The following DOCK5 variants were observed in gnomAD, a reference collection of about 807,000 sequenced individuals.
DOCK5 encodes the protein dedicator of cytokinesis 5.
DOCK5 carries 142 observed loss-of-function variants against 251.8 expected under a neutral mutation model. That is an observed-to-expected ratio of 0.56 (90% CI 0.49 to 0.65). The LOEUF is 0.65. Among genes scored for constraint, DOCK5 ranks in the 30% least tolerant of loss-of-function variants. The pLI, the probability that DOCK5 is intolerant of heterozygous loss-of-function variation, is 0.00. For missense variants in DOCK5, 2,111 were observed against 2,312.3 expected (o/e 0.91, Z 1.79); for synonymous variants, 842 against 835.5 (o/e 1.01, Z -0.13).
intron 30 of DOCK5, among the ~76,000 whole-genome samples, chr8:25,365,864 A>G (rs1453247287): frequency 6.6e-6 from 1 of 152,220 alleles, no homozygotes; most frequent in African/African-American, 2.4e-5. Context: ...GTTGAAAATC[A>G]TAAGTAGAGG....
rs116518572 is a variant in DOCK5 at position 25,234,777 on chromosome 8, G to T, written c.44-8897G>T. ...CCCGCACCTGGTGCTGTTTCTTAAA[G>T]GAGCTCTGTATTTAGCGGCCTGCAA... On this transcript the variant is annotated intron_variant, in intron 1 of 51. Transcript: ENST00000276440. Among the ~76,000 whole-genome samples, 518 of 152,282 alleles carry T rather than the reference G, an allele frequency of 3.4e-3. 1 individual carries two copies. Among genetic ancestry groups the T allele is most frequent in the African/African-American group, 0.012 (497 of 41,558 alleles).
chr8:25,302,252 G>T, intron 9 of DOCK5, 73 bp from the exon 10 acceptor site: 2 of 1,504,906 alleles, frequency 1.3e-6, no homozygotes, highest in Non-Finnish European at 1.8e-6. Flanking sequence ...GTTGTAGAGG[G>T]TAAAGAAAAA....
chr8:25,332,493 A>G, intron 19 of DOCK5, 110 bp from the exon 20 acceptor site: 2 of 1,214,836 alleles, frequency 1.6e-6, no homozygotes, highest in Non-Finnish European at 2.3e-6. Flanking sequence ...CTAGTTTTTT[A>G]AAAAATGCTA....
chr8:25,265,542 C>T (rs1013314492), intron 2 of DOCK5, among the ~76,000 whole-genome samples: 5 of 151,866 alleles, frequency 3.3e-5, no homozygotes, highest in African/African-American at 1.2e-4. Context: ...ATGTTACCAA[C>T]CATTCTCTGC....
At chr8:25,304,517 G>C in intron 11 of DOCK5, 190 bp downstream of exon 11, 1 of 514,424 alleles carries the variant, frequency 1.9e-6, no homozygotes. Flanking sequence ...CCATTGAAGA[G>C]GGTAAACTGA....
At chr8:25,285,429 G>C (rs1042272205) in intron 5 of DOCK5, among the ~76,000 whole-genome samples, 1 of 152,166 alleles carries the variant, frequency 6.6e-6, no homozygotes, top group Non-Finnish European at 1.5e-5. Context: ...ACAGGTGTGA[G>C]CCACTATGCC....
chr8:25,406,264 A>G (rs1056442810), intron 48 of DOCK5, among the ~76,000 whole-genome samples: 1 of 151,928 alleles, frequency 6.6e-6, no homozygotes, highest in Non-Finnish European at 1.5e-5. Flanking sequence ...GGCCCTGTTT[A>G]TTTTTTATAC....
chr8:25,319,669 C>T lies in DOCK5; in HGVS notation c.1535C>T (p.Thr512Ile). 2 of 1,579,754 alleles carry T rather than the reference C, an allele frequency of 1.3e-6. No individual in the cohort carries two copies. The highest frequency in any genetic ancestry group is 1.7e-6 in the Non-Finnish European group (2 of 1,162,302). ...YQVKQPCWYE[T>I]VKVSIAIEEV... ...GTCAAGCAGCCCTGTTGGTATGAGA[C>T]TGTCAAGGTGAGAATGAGTCATTTG... is the stretch of plus-strand genomic sequence containing the variant. The change falls in exon 15 of 52, where the codon ACT becomes ATT. Residue 512 changes from threonine to isoleucine, a missense_variant. Transcript: ENST00000276440.
chr8:25,217,046 A>T (rs1003514855), intron 1 of DOCK5, among the ~76,000 whole-genome samples: 7 of 146,046 alleles, frequency 4.8e-5, no homozygotes, highest in Non-Finnish European at 1.1e-4. Context: ...ATGTGTATAC[A>T]TGTATAGATG....
At chr8:25,233,903 A>C (rs1397691458) in intron 1 of DOCK5, among the ~76,000 whole-genome samples, 1 of 152,226 alleles carries the variant, frequency 6.6e-6, no homozygotes, top group African/African-American at 2.4e-5. Context: ...ACACCTATGT[A>C]CACATGTCCT....
chr8:25,334,062 C>A, intron 20 of DOCK5, 34 bp from the exon 21 acceptor site: 2 of 1,503,210 alleles, frequency 1.3e-6, no homozygotes, highest in Non-Finnish European at 1.9e-6. Flanking sequence ...TGGGATTGTG[C>A]AGTGCTGCTA....
chr8:25,353,366 T>G lies in DOCK5; in HGVS notation c.2850+1540T>G, dbSNP rs946218753. Among the ~76,000 whole-genome samples the G allele has an allele frequency of 2.0e-5, 3 of 151,650 alleles. No individual in the cohort carries two copies. In the South Asian group the frequency reaches 6.2e-4, roughly 31 times the overall value. ...AAATATAAAATAAAACAAAATAAAA[T>G]AAAAATCCAAGCTCATCCAAAACAT... On this transcript the variant is annotated intron_variant, in intron 27 of 51. Transcript: ENST00000276440.
At position 25,306,828 on chromosome 8, in the gene DOCK5, C is replaced by G. The variant is rs540549079; in HGVS notation, c.1050-1955C>G. ...CATCACTTAATGGCAGTGATACGTT[C>G]TGAGAAACATGTCACTAGGCTCTCT... On this transcript the variant is annotated intron_variant, in intron 11 of 51. Coordinates refer to ENST00000276440, the MANE Select transcript of DOCK5 (RefSeq NM_024940.8). Among the ~76,000 whole-genome samples the G allele has an allele frequency of 2.0e-5, 3 of 152,266 alleles. No individual in the cohort carries two copies. In the East Asian group the frequency reaches 5.8e-4, roughly 29 times the overall value.
At chr8:25,297,205 C>T (rs1804638736) in intron 7 of DOCK5, among the ~76,000 whole-genome samples, 1 of 152,064 alleles carries the variant, frequency 6.6e-6, no homozygotes, top group Non-Finnish European at 1.5e-5. Flanking sequence ...AGCAATTCTC[C>T]TGCCTCAGCC....
chr8:25,243,325 A>G (rs1358679620), intron 1 of DOCK5, among the ~76,000 whole-genome samples: 1 of 149,684 alleles, frequency 6.7e-6, no homozygotes, highest in Non-Finnish European at 1.5e-5. Flanking sequence ...TCACTGTGAC[A>G]TGCATTCTTT....
intron 48 of DOCK5, among the ~76,000 whole-genome samples, chr8:25,406,525 T>C (rs189095172): frequency 2.0e-5 from 3 of 152,344 alleles, no homozygotes; most frequent in East Asian, 1.9e-4. Flanking sequence ...TCCGTTGATA[T>C]AGGTATATTT....
Position 25,345,547 on chromosome 8 carries a change from C to T in DOCK5, c.2690C>T (p.Pro897Leu). ...CAGTTAGATGACAACTCCAACAAGC[C>T]TGACCACGAGGCAAGCTCGCAGCTT... ...SGQLDDNSNK[P>L]DHEASSQLLS... Residue 897 changes from proline (P) to leucine (L), a missense_variant, in exon 26 of 52, where the codon CCT (proline) becomes CTT (leucine). Physicochemically the swap from Pro to Leu is moderately conservative, Grantham distance 98. Transcript: ENST00000276440. 1 of 1,613,960 alleles carries T rather than the reference C, an allele frequency of 6.2e-7. No individual in the cohort carries two copies. The highest frequency in any genetic ancestry group is 8.5e-7 in the Non-Finnish European group (1 of 1,179,898).
intron 46 of DOCK5, 51 bp from the exon 47 acceptor site, chr8:25,400,877 AC>A: frequency 6.2e-7 from 1 of 1,605,946 alleles, no homozygotes; most frequent in Admixed American, 1.7e-5. Flanking sequence ...CCAAATCAAA[AC>A]GATCCCTCTT....
At chr8:25,215,184 G>C (rs569715725) in intron 1 of DOCK5, among the ~76,000 whole-genome samples, 2 of 152,256 alleles carry the variant, frequency 1.3e-5, no homozygotes, top group South Asian at 4.1e-4. Context: ...GGCTCAGCTG[G>C]ACTCTTTGTG....
Sources: gnomAD v4.1 joint callset for allele counts (sites outside exome capture counted in the v4.1 genomes callset) on GRCh38, gnomAD v4.1.1 for gene constraint, MANE v1.5 for transcripts, NCBI Gene and HGNC (gene_info 2026-07-23, HGNC 2026-07-21) for gene names.